The following RICTOR variants were observed in gnomAD, a reference collection of about 807,000 sequenced individuals.
The protein encoded by RICTOR is RPTOR independent companion of MTOR complex 2.
RICTOR carries 49 observed loss-of-function variants against 214.9 expected under a neutral mutation model. That is an observed-to-expected ratio of 0.23 (90% confidence interval 0.18 to 0.29). The LOEUF (loss-of-function observed/expected upper bound fraction) is 0.29, where lower values mean the gene tolerates loss of function less well. RICTOR is among the 10% of genes least tolerant of loss of function. RICTOR has a pLI of 1.00. For synonymous variants in RICTOR, 717 were observed against 711.3 expected (o/e 1.01, Z -0.13); for missense variants, 1,625 against 2,047.0 (o/e 0.79, Z 3.98).
chr5:39,032,153 G>A (rs1156772481), intron 2 of RICTOR, among the ~76,000 whole-genome samples: 2 of 152,056 alleles, frequency 1.3e-5, no homozygotes, highest in Non-Finnish European at 2.9e-5. Context: ...TTCCATCTTT[G>A]GATAGAAAAA....
At position 38,939,782 on chromosome 5, in the gene RICTOR, T is replaced by A. The variant is rs983391552; in HGVS notation, c.*2522A>T. ...TTGACATTATTTTGGTATTCTATAG[T>A]CTGTAATATCTATTATTTATAGATG... On this transcript the variant is annotated 3_prime_UTR_variant, in exon 38 of 38. Coordinates refer to ENST00000357387, the MANE Select transcript of RICTOR (RefSeq NM_152756.5). 2 of 226,568 alleles carry A rather than the reference T, an allele frequency of 8.8e-6. No individual in the cohort carries two copies. The highest frequency in any genetic ancestry group is 1.8e-5 in the Non-Finnish European group (2 of 113,856). The allele number at this position is 226,568 out of a possible 1,614,324, so 14.0% of individuals were successfully genotyped here.
intron 31 of RICTOR, chr5:38,949,316 T>C: frequency 7.8e-7 from 1 of 1,285,612 alleles, no homozygotes; most frequent in Non-Finnish European, 1.1e-6. Flanking sequence ...TTTAAAAAAA[T>C]AATAAAGAGG....
At chr5:38,946,653 A>G in intron 32 of RICTOR, 101 bp from the exon 33 acceptor site, 1 of 721,046 alleles carries the variant, frequency 1.4e-6, no homozygotes, top group Non-Finnish European at 2.4e-6. Context: ...TAGAATTACC[A>G]TAGCATATGA....
At chr5:39,055,112 G>A (rs1758113048) in intron 2 of RICTOR, among the ~76,000 whole-genome samples, 2 of 152,124 alleles carry the variant, frequency 1.3e-5, no homozygotes, top group Admixed American at 1.3e-4. Flanking sequence ...TGTCCAAGGG[G>A]CAGAGTGATT....
chr5:39,007,196 G>T (rs1388517115), intron 3 of RICTOR, among the ~76,000 whole-genome samples: 1 of 152,154 alleles, frequency 6.6e-6, no homozygotes, highest in Non-Finnish European at 1.5e-5. Context: ...GTCACAGACT[G>T]GGTGGCTTAA....
chr5:38,942,074 C>T lies in RICTOR; in HGVS notation c.*230G>A. The T allele has an allele frequency of 2.7e-6, 1 of 374,188 alleles. No homozygotes were observed. The highest frequency in any genetic ancestry group is 4.8e-6 in the Non-Finnish European group (1 of 207,236). The allele number at this position is 374,188 out of a possible 1,614,324, so 23.2% of individuals were successfully genotyped here. ...ACAATGGTAACTGAAACTCTTAAAA[C>T]TGTGGTAATGAATCATGAACCCCTC... On this transcript the variant is annotated 3_prime_UTR_variant, in exon 38 of 38. Transcript: ENST00000357387.
chr5:39,000,404 G>C (rs1052508012), intron 5 of RICTOR, among the ~76,000 whole-genome samples: 1 of 151,850 alleles, frequency 6.6e-6, no homozygotes, highest in Non-Finnish European at 1.5e-5. Flanking sequence ...GAACATAGGT[G>C]CAAAAATCTA....
rs929502064 is a variant in RICTOR at position 38,953,228 on chromosome 5, G to A, written c.2791-137C>T. 2.6e-5 allele frequency: 16 copies of A among 624,646 alleles called. No individual in the cohort carries two copies. The Middle Eastern group carries it at 8.3e-4, about 32-fold the overall frequency. The allele number at this position is 624,646 out of a possible 1,614,324, so 38.7% of individuals were successfully genotyped here. On this transcript the variant is annotated intron_variant, in intron 28 of 37. Coordinates refer to ENST00000357387, the MANE Select transcript of RICTOR (RefSeq NM_152756.5). ...AGCCTCCTCAAGTACAAAACATTAG[G>A]CATGAATTAATTCTAGTTGTCTTAG...
chr5:39,035,376 A>G (rs530538564), intron 2 of RICTOR, among the ~76,000 whole-genome samples: 19 of 152,314 alleles, frequency 1.2e-4, no homozygotes, highest in Admixed American at 9.1e-4. Flanking sequence ...TGGGGAAAAA[A>G]CAGAGCAGAA....
chr5:39,056,588 G>A (rs560673988), intron 2 of RICTOR, among the ~76,000 whole-genome samples: 4 of 152,112 alleles, frequency 2.6e-5, no homozygotes, highest in African/African-American at 9.6e-5. Flanking sequence ...AGCGAGCCAT[G>A]ATCATGCCAC....
intron 36 of RICTOR, among the ~76,000 whole-genome samples, chr5:38,943,502 A>C (rs1384129160): frequency 1.3e-5 from 2 of 151,912 alleles, no homozygotes; most frequent in Non-Finnish European, 2.9e-5. Flanking sequence ...CCCAATACCT[A>C]TATCACCCTT....
intron 11 of RICTOR, chr5:38,971,008 CTTTT>C (rs763365603): frequency 3.7e-4 from 56 of 152,120 alleles, no homozygotes; most frequent in Admixed American, 8.5e-4. Context: ...TTCAACTCAA[CTTTT>C]TTTTGTTTTT....
Position 39,023,189 on chromosome 5 carries a change from C to T in RICTOR, c.98-2053G>A, listed in dbSNP as rs1451566565. Among the ~76,000 whole-genome samples, 8 of 151,390 alleles carry T rather than the reference C, an allele frequency of 5.3e-5. No individual in the cohort carries two copies. The South Asian group carries it at 1.3e-3, about 24-fold the overall frequency. ...GGCAAAACAGAAGACAGTAAAGCAA[C>T]ATCTTTAAAATAATGAAAGAAAAAA... On this transcript the variant is annotated intron_variant, in intron 2 of 37. Transcript: ENST00000357387.
chr5:39,013,806 C>A (rs1754732954), intron 3 of RICTOR, among the ~76,000 whole-genome samples: 1 of 152,050 alleles, frequency 6.6e-6, no homozygotes, highest in Non-Finnish European at 1.5e-5. Context: ...AACTGCAAGT[C>A]AATACACATT....
chr5:38,980,556 C>T (rs967458553), intron 8 of RICTOR, among the ~76,000 whole-genome samples: 1 of 152,044 alleles, frequency 6.6e-6, no homozygotes, highest in Non-Finnish European at 1.5e-5. Flanking sequence ...GGAATAAAAA[C>T]TCAGCTGGCT....
Position 38,946,451 on chromosome 5 carries a change from A to G in RICTOR, c.4399+17T>C, listed in dbSNP as rs1748204715. 1 of 1,506,154 alleles carries G rather than the reference A, an allele frequency of 6.6e-7. No individual in the cohort carries two copies. The highest frequency in any genetic ancestry group is 9.2e-7 in the Non-Finnish European group (1 of 1,081,880). 93.3% of individuals were successfully genotyped at this position (1,506,154 alleles called of 1,614,324 possible). On this transcript the variant is annotated intron_variant, in intron 33 of 37. Coordinates refer to ENST00000357387, the MANE Select transcript of RICTOR (RefSeq NM_152756.5). ...ATATAAAGAGGCATCTCACAAGTAC[A>G]ATGCACAATGCATTACCTCCTGCAT...
At chr5:39,010,823 C>T (rs1764679204) in intron 3 of RICTOR, among the ~76,000 whole-genome samples, 1 of 152,166 alleles carries the variant, frequency 6.6e-6, no homozygotes, top group Non-Finnish European at 1.5e-5. Context: ...CTCTTTAAAA[C>T]ATTCAGTTTT....
intron 2 of RICTOR, among the ~76,000 whole-genome samples, chr5:39,057,385 C>T (rs1314569242): frequency 2.6e-5 from 4 of 151,980 alleles, no homozygotes; most frequent in South Asian, 2.1e-4. Context: ...GGGATGTCTG[C>T]GAAATTAATC....
chr5:39,062,424 T>C (rs1037614914), intron 2 of RICTOR, among the ~76,000 whole-genome samples: 1 of 152,086 alleles, frequency 6.6e-6, no homozygotes, highest in Non-Finnish European at 1.5e-5. Context: ...TTCCTTTTTT[T>C]TTCTTCTTGA....
Sources: gnomAD v4.1 joint callset for allele counts (sites outside exome capture counted in the v4.1 genomes callset) on GRCh38, gnomAD v4.1.1 for gene constraint, MANE v1.5 for transcripts, NCBI Gene and HGNC (gene_info 2026-07-23, HGNC 2026-07-21) for gene names.